Variants in GLIS3 observed in about 807,000 individuals in gnomAD.
GLIS3 encodes GLIS family zinc finger 3, also known as zinc finger protein GLIS3.
Under a neutral mutation model 78.6 loss-of-function variants are expected in GLIS3, and 53 were observed. The ratio of observed to expected loss-of-function variants is 0.67; its 90% CI spans 0.54 to 0.85. GLIS3 has a LOEUF of 0.85. Ranked by LOEUF, GLIS3 falls within the 40% of genes least tolerant of loss-of-function variation. The pLI is 0.00. For synonymous variants in GLIS3, 684 were observed against 509.9 expected, an observed-to-expected ratio of 1.34 and a Z score of -4.60; for missense variants, 1,703 against 1,231.1, an observed-to-expected ratio of 1.38 and a Z score of -5.74.
At chr9:4,284,782 G>C (rs904895121) in intron 2 of GLIS3, among the ~76,000 whole-genome samples, 1 of 151,746 alleles carries the variant, frequency 6.6e-6, no homozygotes, top group African/African-American at 2.4e-5. Context: ...GCCAGGCGTT[G>C]TGGCACGCAC....
chr9:4,382,845 C>G, the GLIS3 span, among the ~76,000 whole-genome samples: 7 of 152,166 alleles, frequency 4.6e-5, no homozygotes, highest in Admixed American at 1.3e-4. Context: ...TGTTCATTTT[C>G]TAATGAATTA....
chr9:3,933,713 AC>A (rs1038341047), intron 5 of GLIS3, among the ~76,000 whole-genome samples: 37 of 152,320 alleles, frequency 2.4e-4, no homozygotes, highest in African/African-American at 8.2e-4. Flanking sequence ...AAACAAACAA[AC>A]AAAAAATCTG....
intron 8 of GLIS3, among the ~76,000 whole-genome samples, chr9:3,866,293 A>C (rs1820575824): frequency 6.6e-6 from 1 of 152,138 alleles, no homozygotes; most frequent in East Asian, 1.9e-4. Context: ...AATTTCAGGG[A>C]GCGAGAAGTC....
chr9:4,250,646 G>A (rs1428908610), intron 2 of GLIS3, among the ~76,000 whole-genome samples: 1 of 151,892 alleles, frequency 6.6e-6, no homozygotes, highest in African/African-American at 2.4e-5. Flanking sequence ...TTTCTTGTCT[G>A]CTGCTAGTTT....
chr9:4,082,017 C>A (rs1406044734), intron 4 of GLIS3, among the ~76,000 whole-genome samples: 1 of 152,158 alleles, frequency 6.6e-6, no homozygotes, highest in African/African-American at 2.4e-5. Context: ...AAACAAACAT[C>A]CAAAGACAGA....
chr9:3,932,312 T>A (rs1030928556), intron 6 of GLIS3, 48 bp downstream of exon 6: 2 of 1,414,478 alleles, frequency 1.4e-6, no homozygotes, highest in African/African-American at 2.8e-5. Context: ...ACTACAAGAA[T>A]AATCTGAACA....
At chr9:3,963,935 C>T (rs1817746862) in intron 4 of GLIS3, among the ~76,000 whole-genome samples, 1 of 152,088 alleles carries the variant, frequency 6.6e-6, no homozygotes, top group South Asian at 2.1e-4. Flanking sequence ...ACACTATATT[C>T]CACCGGTTAA....
intron 4 of GLIS3, among the ~76,000 whole-genome samples, chr9:4,105,557 T>C (rs1253367084): frequency 6.6e-6 from 1 of 152,222 alleles, no homozygotes; most frequent in Non-Finnish European, 1.5e-5. Context: ...ACACTGCAAA[T>C]GGTCAATATG....
At chr9:3,907,828 C>A (rs941035706) in intron 6 of GLIS3, among the ~76,000 whole-genome samples, 2 of 152,180 alleles carry the variant, frequency 1.3e-5, no homozygotes, top group Non-Finnish European at 2.9e-5. Context: ...CTTCATAAAT[C>A]ACATGCACCT....
chr9:4,465,624 G>A, the GLIS3 span, among the ~76,000 whole-genome samples: 7 of 152,284 alleles, frequency 4.6e-5, no homozygotes, highest in South Asian at 1.4e-3. Context: ...AAGGATAAAT[G>A]CTTGAGGGGA....
chr9:4,247,070 A>C (rs1823869604), intron 2 of GLIS3, among the ~76,000 whole-genome samples: 1 of 152,212 alleles, frequency 6.6e-6, no homozygotes, highest in South Asian at 2.1e-4. Context: ...AAATCCATGG[A>C]TGGCTTTTGT....
intron 4 of GLIS3, among the ~76,000 whole-genome samples, chr9:3,998,364 T>C (rs1291153367): frequency 2.0e-5 from 3 of 152,190 alleles, no homozygotes; most frequent in African/African-American, 7.2e-5. Context: ...AAATCACCAA[T>C]TCATTTAATA....
rs74967733 is a variant in GLIS3, at chr9:4,278,423, T to C, written c.388+7615A>G. On this transcript the variant is annotated intron_variant, in intron 2 of 10. Coordinates refer to ENST00000381971, the MANE Select transcript of GLIS3 (RefSeq NM_001042413.2). ...TGCCTGTAAGCAAGGAAGTACTTAA[T>C]GGGAACATGTCATAAAGACACAAGA... Among the ~76,000 whole-genome samples the C allele has an allele frequency of 9.7e-4, 148 of 152,256 alleles. 1 individual carries two copies. The highest frequency in any genetic ancestry group is 1.4e-3 in the Non-Finnish European group (98 of 68,014).
In GLIS3 at chr9:4,336,380, C is replaced by T. The variant is rs370509480; in HGVS notation, n.264+10701G>A. On this transcript the variant is annotated intron_variant and non_coding_transcript_variant, in intron 2 of 4. Coordinates refer to the GLIS3 transcript ENST00000471664. ...AAGTTGCTCCACAGGGCCAAAGCCA[C>T]CAGGCCAGGCCAGGTCACCAATACT... Among the ~76,000 whole-genome samples, 26 of 152,252 alleles carry T rather than the reference C, an allele frequency of 1.7e-4. No homozygotes were observed. The East Asian group carries it at 1.9e-3, about 11-fold the overall frequency.
At chr9:4,460,058 T>C in the GLIS3 span, among the ~76,000 whole-genome samples, 1 of 152,156 alleles carries the variant, frequency 6.6e-6, no homozygotes, top group Non-Finnish European at 1.5e-5. Context: ...TTTAAAATCC[T>C]AGAGACAGAT....
chr9:4,171,684 C>T (rs538354648), intron 2 of GLIS3, among the ~76,000 whole-genome samples: 16 of 152,128 alleles, frequency 1.1e-4, no homozygotes, highest in Non-Finnish European at 1.8e-4. Context: ...AGCAATCATA[C>T]AGAAGCAATC....
At chr9:4,366,342 G>A in the GLIS3 span, among the ~76,000 whole-genome samples, 2 of 152,106 alleles carry the variant, frequency 1.3e-5, no homozygotes, top group African/African-American at 4.8e-5. Context: ...CTAAGCCTGA[G>A]TACTTTCAAG....
intron 4 of GLIS3, among the ~76,000 whole-genome samples, chr9:4,080,199 A>C (rs998195291): frequency 1.3e-5 from 2 of 152,174 alleles, no homozygotes; most frequent in African/African-American, 4.8e-5. Flanking sequence ...CTGACATATT[A>C]GTTTTCCCAT....
At chr9:4,410,627 C>G in the GLIS3 span, among the ~76,000 whole-genome samples, 5 of 152,262 alleles carry the variant, frequency 3.3e-5, no homozygotes, top group South Asian at 2.1e-4. Flanking sequence ...CATGTAGCCT[C>G]CATTGTTTTG....
Sources: allele counts gnomAD v4.1 joint callset (sites outside exome capture counted in the v4.1 genomes callset), GRCh38; gene constraint gnomAD v4.1.1; transcripts MANE v1.5; gene names NCBI Gene and HGNC (gene_info 2026-07-23, HGNC 2026-07-21).